SGMS1: variants seen among roughly 807,000 people sequenced by gnomAD.
SGMS1 encodes sphingomyelin synthase 1, also known as phosphatidylcholine:ceramide cholinephosphotransferase 1.
A neutral mutation model predicts 46.2 loss-of-function variants in SGMS1; 13 were observed. The ratio of observed to expected loss-of-function variants is 0.28; its 90% CI spans 0.18 to 0.45. The LOEUF (loss-of-function observed/expected upper bound fraction) is 0.45. Among genes scored for constraint, SGMS1 ranks in the 20% least tolerant of loss-of-function variants. The pLI is 1.00. For missense variants in SGMS1, 324 were observed against 519.9 expected (o/e 0.62, Z 3.66); for synonymous variants, 203 against 187.8 (o/e 1.08, Z -0.66).
intron 8 of SGMS1, among the ~76,000 whole-genome samples, chr10:50,320,869 T>G (rs558488862): frequency 4.6e-5 from 7 of 152,224 alleles, no homozygotes; most frequent in Non-Finnish European, 1.0e-4. Flanking sequence ...CCGGTGTCTG[T>G]GCATCCATGG....
intron 2 of SGMS1, among the ~76,000 whole-genome samples, chr10:50,528,172 T>C (rs930968542): frequency 6.6e-6 from 1 of 152,226 alleles, no homozygotes; most frequent in African/African-American, 2.4e-5. Context: ...CATTGTGGAT[T>C]CATTTATGAT....
chr10:50,612,162 C>T (rs955368648), intron 1 of SGMS1, among the ~76,000 whole-genome samples: 3 of 152,262 alleles, frequency 2.0e-5, no homozygotes, highest in Non-Finnish European at 4.4e-5. Context: ...TGGGAACTCC[C>T]TTCCAAATTT....
intron 1 of SGMS1, among the ~76,000 whole-genome samples, chr10:50,611,320 G>A (rs994765064): frequency 4.6e-5 from 7 of 152,300 alleles, no homozygotes; most frequent in Non-Finnish European, 7.4e-5. Context: ...GTGGACACAC[G>A]CCAAGGGTCT....
intron 8 of SGMS1, among the ~76,000 whole-genome samples, chr10:50,322,812 C>G (rs1847470378): frequency 1.5e-5 from 2 of 135,508 alleles, no homozygotes; most frequent in African/African-American, 2.9e-5. Flanking sequence ...GCAGTCCGGC[C>G]TGGGCGACAG....
intron 1 of SGMS1, among the ~76,000 whole-genome samples, chr10:50,598,228 A>T (rs948292767): frequency 3.3e-5 from 5 of 151,784 alleles, no homozygotes; most frequent in East Asian, 3.9e-4. Flanking sequence ...GAGAGAGATG[A>T]CTTCTCTCTC....
intron 6 of SGMS1, among the ~76,000 whole-genome samples, chr10:50,347,471 G>A (rs1564883462): frequency 6.6e-6 from 1 of 152,302 alleles, no homozygotes; most frequent in Admixed American, 6.5e-5. Flanking sequence ...TGCCCAGAGA[G>A]TGTCAAGAAG....
chr10:50,384,072 A>T (rs1848646494), intron 6 of SGMS1, among the ~76,000 whole-genome samples: 1 of 152,174 alleles, frequency 6.6e-6, no homozygotes, highest in African/African-American at 2.4e-5. Context: ...GGAGGGAATC[A>T]GCTAGCACCT....
chr10:50,339,363 A>G (rs539344621), intron 7 of SGMS1, among the ~76,000 whole-genome samples: 1 of 152,160 alleles, frequency 6.6e-6, no homozygotes, highest in Non-Finnish European at 1.5e-5. Context: ...TTCCCCAAAC[A>G]CATGCATGGT....
chr10:50,497,828 G>A (rs759644306), intron 3 of SGMS1, among the ~76,000 whole-genome samples: 2 of 152,054 alleles, frequency 1.3e-5, no homozygotes, highest in Non-Finnish European at 2.9e-5. Flanking sequence ...CAGTTGACAG[G>A]TCAGACCAGA....
chr10:50,622,794 C>G (rs1333992505), intron 1 of SGMS1, among the ~76,000 whole-genome samples: 5 of 152,244 alleles, frequency 3.3e-5, no homozygotes, highest in Non-Finnish European at 7.3e-5. Context: ...CCAGAACGCT[C>G]CAGGCTGAAT....
At chr10:50,356,794 A>T (rs1483838691) in intron 6 of SGMS1, among the ~76,000 whole-genome samples, 2 of 152,166 alleles carry the variant, frequency 1.3e-5, no homozygotes, top group Non-Finnish European at 2.9e-5. Flanking sequence ...TGGAACCATC[A>T]TTCTCAGCAA....
chr10:50,402,313 A>G (rs1848952894), intron 6 of SGMS1, among the ~76,000 whole-genome samples: 1 of 152,240 alleles, frequency 6.6e-6, no homozygotes, highest in Non-Finnish European at 1.5e-5. Context: ...TTCAAAAATT[A>G]ATCTATCTTC....
chr10:50,452,819 T>C (rs908653949), intron 5 of SGMS1, among the ~76,000 whole-genome samples: 4 of 152,228 alleles, frequency 2.6e-5, no homozygotes, highest in African/African-American at 9.6e-5. Context: ...AACTGCTTTT[T>C]TAACCGTAGC....
Position 50,513,411 on chromosome 10 carries a change from TAG to T in SGMS1, c.-498+6418_-498+6419del, listed in dbSNP as rs1343524907. Among the ~76,000 whole-genome samples, 8 of 152,182 alleles carry T rather than the reference TAG, an allele frequency of 5.3e-5. No individual in the cohort carries two copies. In the East Asian group the frequency reaches 1.5e-3, roughly 29 times the overall value. ...CTCCCAAACAAGTGCCCCTTCCCCC[TAG>T]GAGTCTTTGAGGCTTCAAAACTACC... On this transcript the variant is annotated intron_variant, in intron 3 of 10. Coordinates refer to ENST00000361781, the MANE Select transcript of SGMS1 (RefSeq NM_147156.4).
intron 3 of SGMS1, among the ~76,000 whole-genome samples, chr10:50,510,863 A>C (rs755822556): frequency 2.6e-5 from 4 of 152,110 alleles, no homozygotes; most frequent in Non-Finnish European, 4.4e-5. Flanking sequence ...CAATTCTATA[A>C]AACTTTATCT....
At chr10:50,403,625 A>T (rs971941145) in intron 6 of SGMS1, among the ~76,000 whole-genome samples, 1 of 151,766 alleles carries the variant, frequency 6.6e-6, no homozygotes, top group Admixed American at 6.6e-5. Context: ...ACCAGGAATG[A>T]TCTCATCATG....
intron 2 of SGMS1, among the ~76,000 whole-genome samples, chr10:50,582,894 A>C (rs1838448213): frequency 6.6e-6 from 1 of 152,222 alleles, no homozygotes; most frequent in Non-Finnish European, 1.5e-5. Flanking sequence ...AGTCAGGTCC[A>C]AACCAGTGTT....
intron 2 of SGMS1, among the ~76,000 whole-genome samples, chr10:50,528,030 T>C (rs1462889429): frequency 6.6e-6 from 1 of 152,150 alleles, no homozygotes; most frequent in East Asian, 1.9e-4. Context: ...AATAAAATAA[T>C]AAAAATACTA....
At chr10:50,612,609 CTTTT>C (rs1470575904) in intron 1 of SGMS1, among the ~76,000 whole-genome samples, 1 of 152,194 alleles carries the variant, frequency 6.6e-6, no homozygotes, top group Non-Finnish European at 1.5e-5. Context: ...TAGAGTCTTT[CTTTT>C]AAAAGTTGAT....
Sources: allele counts gnomAD v4.1 joint callset (sites outside exome capture counted in the v4.1 genomes callset), GRCh38; gene constraint gnomAD v4.1.1; transcripts MANE v1.5; gene names NCBI Gene and HGNC (gene_info 2026-07-23, HGNC 2026-07-21).